PLXND1: variants seen among roughly 807,000 people sequenced by gnomAD.
PLXND1 encodes plexin-D1.
Under a neutral mutation model 197.7 loss-of-function variants are expected in PLXND1, and 54 were observed. The observed-to-expected ratio is 0.27, with a 90% CI of 0.22 to 0.34. The LOEUF is 0.34. Ranked by LOEUF, PLXND1 falls within the 10% of genes least tolerant of loss-of-function variation. The probability of loss-of-function intolerance (pLI) is 1.00; values close to 1 mark genes in which losing one functional copy is unlikely to be tolerated. For synonymous variants in PLXND1, 1,180 were observed against 1,161.2 expected, an observed-to-expected ratio of 1.02 and a Z score of -0.33; for missense variants, 2,127 against 2,699.2, an observed-to-expected ratio of 0.79 and a Z score of 4.70.
chr3:129,598,910 G>C (rs1056540703), intron 1 of PLXND1, among the ~76,000 whole-genome samples: 3 of 152,184 alleles, frequency 2.0e-5, no homozygotes, highest in Non-Finnish European at 4.4e-5. Flanking sequence ...ATGTCATTCA[G>C]GTTCTGGGGA....
Position 129,605,425 on chromosome 3 carries a change from G to A in PLXND1, c.1215C>T (p.Thr405=), listed in dbSNP as rs1162053691. ...CGGGCGCCGGTTCCACGAAGCAGGC[G>A]GTGCGCGCAGCTCGGATGGCGGCTC... ...DVRAAIRAAR[T]ACFVEPAPDV... Residue 405 remains threonine (T), a synonymous_variant, in exon 1 of 36, where the codon ACC becomes ACT. Coordinates refer to ENST00000324093, the MANE Select transcript of PLXND1 (RefSeq NM_015103.3). 1.3e-5 allele frequency: 20 copies of A among 1,501,068 alleles called. No individual in the cohort carries two copies. In the African/African-American group the frequency reaches 1.7e-4, roughly 13 times the overall value. 93.0% of individuals were successfully genotyped at this position (1,501,068 alleles called of 1,614,324 possible).
At chr3:129,573,777 G>A (rs1340617318) in intron 12 of PLXND1, 32 bp from the exon 13 acceptor site, 1 of 1,605,526 alleles carries the variant, frequency 6.2e-7, no homozygotes, top group Non-Finnish European at 8.5e-7. Flanking sequence ...GGGCGAATGG[G>A]ATCTGAGGCT....
rs555808912 is a variant in PLXND1, at chr3:129,572,815, G to A, written c.2937+27C>T. 5.3e-5 allele frequency: 86 copies of A among 1,612,546 alleles called. No homozygotes were observed. In the South Asian group the frequency reaches 6.5e-4, roughly 12 times the overall value. Reference sequence around the variant, plus strand: ...CGGGAGTGTGCGTGCTGGGCGGGCCGGACAGTGGGCTGCAGCCCCCCCTTA... The same window carrying A: ...CGGGAGTGTGCGTGCTGGGCGGGCCAGACAGTGGGCTGCAGCCCCCCCTTA... On this transcript the variant is annotated intron_variant, in intron 14 of 35. Coordinates refer to ENST00000324093, the MANE Select transcript of PLXND1 (RefSeq NM_015103.3).
At chr3:129,575,138 G>T (rs531058817) in intron 11 of PLXND1, among the ~76,000 whole-genome samples, 32 of 152,304 alleles carry the variant, frequency 2.1e-4, no homozygotes, top group African/African-American at 6.0e-4. Context: ...GCTGCCACGC[G>T]AGGGGAGCTG....
intron 2 of PLXND1, 150 bp downstream of exon 2, chr3:129,589,201 C>G: frequency 1.5e-6 from 1 of 670,224 alleles, no homozygotes; most frequent in Non-Finnish European, 2.5e-6. Flanking sequence ...TTGCAAAATA[C>G]TTTGTAAACT....
chr3:129,605,162 G>A (rs56997075), intron 1 of PLXND1, among the ~76,000 whole-genome samples, 167 bp downstream of exon 1: 13,725 of 152,042 alleles, frequency 0.09, 2,129 homozygotes, highest in African/African-American at 0.31. Context: ...GTACCCCTCG[G>A]GGGACACCTG....
chr3:129,599,388 G>A (rs891386294), intron 1 of PLXND1, among the ~76,000 whole-genome samples: 2 of 152,240 alleles, frequency 1.3e-5, no homozygotes, highest in African/African-American at 2.4e-5. Context: ...GCTAGGAAGG[G>A]GCAGAGGCAG....
At chr3:129,561,587 G>T in intron 29 of PLXND1, 59 bp downstream of exon 29, 1 of 1,295,822 alleles carries the variant, frequency 7.7e-7, no homozygotes, top group Non-Finnish European at 1.1e-6. Context: ...CTGGGGCATG[G>T]GATGGAAGCC....
intron 2 of PLXND1, among the ~76,000 whole-genome samples, chr3:129,587,398 G>A (rs2085477634): frequency 6.6e-6 from 1 of 152,226 alleles, no homozygotes; most frequent in South Asian, 2.1e-4. Context: ...GGAAGACCAG[G>A]ATTATCTGGG....
Position 129,605,388 on chromosome 3 carries a change from C to T in PLXND1, c.1252G>A (p.Val418Met). 6.7e-7 allele frequency: 1 copy of T among 1,502,254 alleles called. No individual in the cohort carries two copies. The highest frequency in any genetic ancestry group is 8.8e-7 in the Non-Finnish European group (1 of 1,133,598). The allele number at this position is 1,502,254 out of a possible 1,614,324, so 93.1% of individuals were successfully genotyped here. A position where few individuals can be genotyped will look rare whatever the true frequency, so the allele number is the denominator to read the frequency against. Reference protein sequence around the residue: ...FVEPAPDVVAVLDSVVQGTGP... With the variant: ...FVEPAPDVVAMLDSVVQGTGP... ...GTGCCCTGCACCACGCTGTCGAGCACCGCCACCACGTCGGGCGCCGGTTCC... is the reference window on the plus strand; with the variant it reads ...GTGCCCTGCACCACGCTGTCGAGCATCGCCACCACGTCGGGCGCCGGTTCC... Residue 418 changes from valine to methionine, a missense_variant, in exon 1 of 36, where the codon GTG becomes ATG. By Grantham distance (21) the Val-to-Met change is conservative. Around this residue, in one of 6 missense-constraint regions of PLXND1, gnomAD observed 1,095 missense variants for 1,259.8 expected, o/e 0.87. Coordinates refer to ENST00000324093, the MANE Select transcript of PLXND1 (RefSeq NM_015103.3).
chr3:129,566,288 G>A (rs2085139267), intron 23 of PLXND1: 1 of 597,926 alleles, frequency 1.7e-6, no homozygotes, highest in African/African-American at 1.9e-5. Flanking sequence ...GTTGAGTGGG[G>A]TGTACAGGGG....
rs2085465539 is a variant in PLXND1 at position 129,586,637 on chromosome 3, T to C, written c.1571A>G (p.Gln524Arg). ...GTAACCGGAGTCTGCTGGGTCAAAC[T>C]GCATGACATGGTGCACGGGCTCCCC... ...AYGEPVHHVM[Q>R]FDPADSGYLY... Residue 524 changes from glutamine (Q) to arginine (R), a missense_variant, in exon 3 of 36, where the codon CAG becomes CGG. This residue lies in a region of PLXND1 where 1,095 missense variants were observed against 1,259.8 expected (regional missense o/e 0.87). Coordinates refer to ENST00000324093, the MANE Select transcript of PLXND1 (RefSeq NM_015103.3). The C allele has an allele frequency of 6.3e-7, 1 of 1,580,174 alleles. No individual in the cohort carries two copies. Among genetic ancestry groups the C allele is most frequent in the African/African-American group, 1.3e-5 (1 of 74,608 alleles).
chr3:129,587,546 G>C (rs1256975107), intron 2 of PLXND1, among the ~76,000 whole-genome samples: 9 of 152,174 alleles, frequency 5.9e-5, no homozygotes, highest in Non-Finnish European at 1.2e-4. Flanking sequence ...TCTGGGCCCT[G>C]CCAGGCCCCA....
intron 8 of PLXND1, 79 bp downstream of exon 8, chr3:129,583,488 T>A (rs1366681094): frequency 8.8e-6 from 8 of 910,772 alleles, no homozygotes; most frequent in Non-Finnish European, 1.4e-5. Flanking sequence ...GCAAAGGCAT[T>A]GAAACATTCT....
chr3:129,567,436 C>G (rs951627836), intron 22 of PLXND1, 56 bp downstream of exon 22: 1 of 1,017,372 alleles, frequency 9.8e-7, no homozygotes, highest in East Asian at 2.6e-5. Context: ...TCAGAGAGGT[C>G]GAGTTGCCTT....
chr3:129,574,540 C>T (rs763376922), intron 11 of PLXND1, 50 bp from the exon 12 acceptor site: 10 of 1,567,972 alleles, frequency 6.4e-6, no homozygotes, highest in East Asian at 2.3e-5. Context: ...GGTGCATGCC[C>T]CAACACCGCT....
Position 129,556,133 on chromosome 3 carries a change from C to G in PLXND1, c.*179G>C, listed in dbSNP as rs2084969417. The G allele has an allele frequency of 1.7e-6, 1 of 599,114 alleles. No individual in the cohort carries two copies. Among genetic ancestry groups the G allele is most frequent in the African/African-American group, 1.8e-5 (1 of 54,248 alleles). 37.1% of individuals were successfully genotyped at this position (599,114 alleles called of 1,614,324 possible). On this transcript the variant is annotated 3_prime_UTR_variant, in exon 36 of 36. Transcript: ENST00000324093. ...GACAGGTGGGAGGGGATGGAGGTGC[C>G]CAGGGGTCAAGGCGGGGGCGCCCCT...
rs1384254895 is a variant in PLXND1, at chr3:129,557,243, G to A, written c.5446-20C>T. On this transcript the variant is annotated intron_variant, in intron 33 of 35. Transcript: ENST00000324093. This position sits in a 1 kb window ranked among gnomAD's most constrained non-coding sequence, Gnocchi z 4.8. ...CGAATCCTGGGCAGAGAAGAGCGAG[G>A]GTGTTAGATGGCTGCTGGAGAAAGG... 2 of 1,613,594 alleles carry A rather than the reference G, an allele frequency of 1.2e-6. No homozygotes were observed. Among genetic ancestry groups the A allele is most frequent in the Non-Finnish European group, 8.5e-7 (1 of 1,179,848 alleles).
rs376083346 is a variant in PLXND1, at chr3:129,566,507, G to A, written c.4191+20C>T. The A allele has an allele frequency of 2.7e-4, 399 of 1,474,526 alleles. No homozygotes were observed. Among genetic ancestry groups the A allele is most frequent in the Middle Eastern group, 1.9e-3 (11 of 5,826 alleles). The allele number at this position is 1,474,526 out of a possible 1,614,324, so 91.3% of individuals were successfully genotyped here. A position where few individuals can be genotyped will look rare whatever the true frequency, so the allele number is the denominator to read the frequency against. ...GTTGCCCTGAAGCAGCCCACTGTGT[G>A]TGGGTCGTGGGGTACTCACCTTCCA... On this transcript the variant is annotated intron_variant, in intron 23 of 35. Coordinates refer to ENST00000324093, the MANE Select transcript of PLXND1 (RefSeq NM_015103.3).
Sources: gnomAD v4.1 joint callset for allele counts (sites outside exome capture counted in the v4.1 genomes callset) on GRCh38, gnomAD v4.1.1 for gene constraint, gnomAD v4.1.1 regional missense constraint, Gnocchi (gnomAD v3.1) non-coding constraint, MANE v1.5 for transcripts, NCBI Gene and HGNC (gene_info 2026-07-23, HGNC 2026-07-21) for gene names.